The following TNRC6A variants were observed in gnomAD, a reference collection of about 807,000 sequenced individuals.
TNRC6A encodes the protein trinucleotide repeat containing adaptor 6A.
In TNRC6A, 44 loss-of-function variants were observed where a neutral mutation model predicts 221.2. The ratio of observed to expected loss-of-function variants is 0.20; its 90% CI spans 0.16 to 0.26. TNRC6A has a LOEUF of 0.26. TNRC6A is among the 10% of genes least tolerant of loss of function. The pLI is 1.00. For missense variants in TNRC6A, 2,199 were observed against 2,404.4 expected (o/e 0.91, Z 1.79); for synonymous variants, 847 against 838.5 (o/e 1.01, Z -0.18).
chr16:24,717,789 T>TG, intron 2 of TNRC6A, among the ~76,000 whole-genome samples: 1 of 140,216 alleles, frequency 7.1e-6, no homozygotes, highest in East Asian at 2.4e-4. Flanking sequence ...TTTTTTTTTT[T>TG]GAGAAGGAGT....
In TNRC6A at chr16:24,695,273, T is replaced by C. The variant is rs1001385848; in HGVS notation, n.402+54264T>C. Reference sequence around the variant, plus strand: ...AGGGTATCTGATACTGATTGAAGGCTGTGCATAAAATAATCCCAAGTTATG... The same window carrying C: ...AGGGTATCTGATACTGATTGAAGGCCGTGCATAAAATAATCCCAAGTTATG... On this transcript the variant is annotated intron_variant and non_coding_transcript_variant, in intron 2 of 2. Transcript: ENST00000566108. Among the ~76,000 whole-genome samples, 5 of 152,292 alleles carry C rather than the reference T, an allele frequency of 3.3e-5. No homozygotes were observed. The East Asian group carries it at 9.7e-4, about 29-fold the overall frequency.
At chr16:24,810,649 G>C (rs2058523832) in intron 18 of TNRC6A, among the ~76,000 whole-genome samples, 1 of 152,130 alleles carries the variant, frequency 6.6e-6, no homozygotes, top group South Asian at 2.1e-4. Context: ...GGACTGCCTG[G>C]TGAATTCTGT....
upstream of TNRC6A, among the ~76,000 whole-genome samples, chr16:24,726,001 A>G: frequency 6.6e-6 from 1 of 151,042 alleles, no homozygotes; most frequent in East Asian, 1.9e-4. Context: ...CTATGTCTAA[A>G]AAAAAAAAAA....
intron 2 of TNRC6A, among the ~76,000 whole-genome samples, chr16:24,649,179 T>C (rs975202071): frequency 1.3e-5 from 2 of 152,214 alleles, no homozygotes; most frequent in African/African-American, 4.8e-5. Context: ...GTAAAAATTG[T>C]ATATATTTAT....
rs537986282 is a variant in TNRC6A at position 24,674,391 on chromosome 16, C to A, written n.402+33382C>A. Among the ~76,000 whole-genome samples, 19 of 151,952 alleles carry A rather than the reference C, an allele frequency of 1.3e-4. 1 individual carries two copies. The highest frequency in any genetic ancestry group is 3.4e-4 in the African/African-American group (14 of 41,454). ...CTGCACTCCAGCCTGGGTGACAGAGCGAGATTCTGTCTCAAACTATATATA... is the reference window on the plus strand; with the variant it reads ...CTGCACTCCAGCCTGGGTGACAGAGAGAGATTCTGTCTCAAACTATATATA... On this transcript the variant is annotated intron_variant and non_coding_transcript_variant, in intron 2 of 2. Coordinates refer to the TNRC6A transcript ENST00000566108.
intron 8 of TNRC6A, among the ~76,000 whole-genome samples, chr16:24,794,943 C>G (rs1307810086): frequency 1.3e-5 from 2 of 152,144 alleles, no homozygotes; most frequent in Non-Finnish European, 1.5e-5. Context: ...TCTCTTCCTC[C>G]CCCTCCACCA....
intron 4 of TNRC6A, among the ~76,000 whole-genome samples, chr16:24,765,471 G>C (rs2057453633): frequency 6.6e-6 from 1 of 152,120 alleles, no homozygotes; most frequent in Non-Finnish European, 1.5e-5. Flanking sequence ...TTAGTTCACT[G>C]TTTTTCTCCA....
intron 2 of TNRC6A, among the ~76,000 whole-genome samples, chr16:24,702,686 T>G (rs1247021963): frequency 6.6e-6 from 1 of 152,082 alleles, no homozygotes; most frequent in African/African-American, 2.4e-5. Flanking sequence ...CAGTGAGCTG[T>G]GATCATCCCA....
intron 5 of TNRC6A, among the ~76,000 whole-genome samples, chr16:24,778,840 T>G (rs74809323): frequency 0.012 from 1,778 of 152,154 alleles, 13 homozygotes; most frequent in Non-Finnish European, 0.017. Flanking sequence ...GGAGTCAGAT[T>G]GGAAGCAAAT....
At chr16:24,625,498 G>T (rs1217694500) in intron 1 of TNRC6A, among the ~76,000 whole-genome samples, 2 of 151,992 alleles carry the variant, frequency 1.3e-5, no homozygotes, top group African/African-American at 4.8e-5. Context: ...GGCCGAGGCG[G>T]GTGGATCATG....
intron 20 of TNRC6A, 81 bp downstream of exon 20, chr16:24,817,037 G>A: frequency 6.9e-7 from 1 of 1,439,594 alleles, no homozygotes; most frequent in Non-Finnish European, 9.2e-7. Flanking sequence ...AGCTACTCTG[G>A]GCGACTGAGC....
intron 22 of TNRC6A, among the ~76,000 whole-genome samples, chr16:24,821,116 G>A (rs1047925301): frequency 2.0e-5 from 3 of 152,244 alleles, no homozygotes; most frequent in Non-Finnish European, 2.9e-5. Context: ...CTTTGAGTGC[G>A]GGTTAATTAT....
chr16:24,618,201 G>A (rs545862653), intron 1 of TNRC6A, among the ~76,000 whole-genome samples: 5 of 152,256 alleles, frequency 3.3e-5, no homozygotes, highest in South Asian at 4.1e-4. Context: ...GGTTACTGGC[G>A]TGAGCCACTG....
At chr16:24,798,065 GA>G in intron 11 of TNRC6A, 99 bp downstream of exon 11, 1 of 1,018,712 alleles carries the variant, frequency 9.8e-7, no homozygotes, top group Middle Eastern at 2.2e-4. Context: ...CAGGACAGGG[GA>G]GGCTGTGCTC....
chr16:24,707,657 AT>A (rs1419719011), intron 2 of TNRC6A, among the ~76,000 whole-genome samples: 1 of 152,250 alleles, frequency 6.6e-6, no homozygotes, highest in African/African-American at 2.4e-5. Context: ...AAAAAGAAAT[AT>A]AAATTGCTCA....
intron 4 of TNRC6A, among the ~76,000 whole-genome samples, chr16:24,766,149 A>T (rs1453515171): frequency 2.0e-5 from 3 of 152,220 alleles, no homozygotes; most frequent in African/African-American, 7.2e-5. Context: ...TATAATTAAG[A>T]TGAAAATAAT....
At chr16:24,718,450 C>T (rs766181) in intron 2 of TNRC6A, among the ~76,000 whole-genome samples, 38,598 of 151,984 alleles carry the variant, frequency 0.25, 5,371 homozygotes, top group Non-Finnish European at 0.31. Context: ...GTTAGGTAGA[C>T]ATAATAGGAG....
At chr16:24,783,636 G>A (rs1075987) in intron 5 of TNRC6A, among the ~76,000 whole-genome samples, 49,106 of 151,674 alleles carry the variant, frequency 0.32, 8,256 homozygotes, top group East Asian at 0.46. Flanking sequence ...TCTAAATAAC[G>A]CGCAACCTTC....
At chr16:24,695,968 C>G (rs562628726) in intron 2 of TNRC6A, among the ~76,000 whole-genome samples, 1 of 152,234 alleles carries the variant, frequency 6.6e-6, no homozygotes, top group South Asian at 2.1e-4. Flanking sequence ...GATTCTGTCC[C>G]TCAAGATAGG....
Sources: allele counts gnomAD v4.1 joint callset (sites outside exome capture counted in the v4.1 genomes callset), GRCh38; gene constraint gnomAD v4.1.1; transcripts MANE v1.5; gene names NCBI Gene and HGNC (gene_info 2026-07-23, HGNC 2026-07-21).